CHSY3: variants seen among roughly 807,000 people sequenced by gnomAD.
CHSY3 encodes the protein N-acetylgalactosaminyl-proteoglycan 3-beta-glucuronosyltransferase 3.
A neutral mutation model predicts 67.2 loss-of-function variants in CHSY3; 35 were observed. The observed-to-expected ratio is 0.52, with a 90% CI of 0.40 to 0.69. The LOEUF is 0.69. CHSY3 is among the 30% of genes least tolerant of loss of function. The pLI, the probability that CHSY3 is intolerant of heterozygous loss-of-function variation, is 0.00. For synonymous variants in CHSY3, 474 were observed against 434.7 expected (o/e 1.09, Z -1.12); for missense variants, 1,069 against 1,138.5 (o/e 0.94, Z 0.88).
At chr5:130,181,946 T>C (rs1203776578) in intron 2 of CHSY3, among the ~76,000 whole-genome samples, 6 of 152,112 alleles carry the variant, frequency 3.9e-5, no homozygotes, top group Non-Finnish European at 8.8e-5. Context: ...TTTTGGAGTA[T>C]GAATAATGCA....
intron 2 of CHSY3, among the ~76,000 whole-genome samples, chr5:130,048,138 T>A (rs1227890411): frequency 1.3e-5 from 2 of 152,046 alleles, no homozygotes; most frequent in Non-Finnish European, 2.9e-5. Context: ...AGAGATGGGC[T>A]CTTCTGAGTT....
intron 2 of CHSY3, among the ~76,000 whole-genome samples, chr5:130,031,283 T>C (rs1451171633): frequency 2.6e-4 from 40 of 152,140 alleles, no homozygotes. Flanking sequence ...ATTATTAGAC[T>C]CTAATTGTCT....
chr5:129,986,208 C>A (rs1763196497), intron 2 of CHSY3, among the ~76,000 whole-genome samples: 1 of 152,004 alleles, frequency 6.6e-6, no homozygotes, highest in Non-Finnish European at 1.5e-5. Context: ...CATTCAGTGC[C>A]TAGTTTATTG....
chr5:130,001,762 C>A, intron 2 of CHSY3: 1 of 836,364 alleles, frequency 1.2e-6, no homozygotes, highest in Non-Finnish European at 1.4e-6. Context: ...ATCCCTTATT[C>A]TGAACATGCC....
At chr5:130,037,626 T>A (rs1764896312) in intron 2 of CHSY3, among the ~76,000 whole-genome samples, 1 of 152,094 alleles carries the variant, frequency 6.6e-6, no homozygotes, top group Non-Finnish European at 1.5e-5. Context: ...AGGAATGAGA[T>A]GGAGAGGTGA....
chr5:130,078,694 C>T (rs1218869996), intron 2 of CHSY3, among the ~76,000 whole-genome samples: 1 of 152,206 alleles, frequency 6.6e-6, no homozygotes, highest in Non-Finnish European at 1.5e-5. Context: ...TCCTTAAAAA[C>T]ACAAAATACA....
At chr5:129,927,879 T>G (rs967887745) in intron 2 of CHSY3, among the ~76,000 whole-genome samples, 1 of 151,732 alleles carries the variant, frequency 6.6e-6, no homozygotes, top group African/African-American at 2.4e-5. Context: ...ATTCCAGTTT[T>G]TGTGTGTGTG....
rs1310378209 is a variant in CHSY3, at chr5:130,056,910, A to ATTTC, written c.1087-127311_1087-127308dup. 1.1e-4 allele frequency among the ~76,000 whole-genome samples: 14 copies of ATTTC among 131,226 alleles called. 1 individual carries two copies. The highest frequency in any genetic ancestry group is 4.0e-4 in the African/African-American group (14 of 34,748). 86.1% of individuals were successfully genotyped at this position (131,226 alleles called of 152,430 possible). A position where few individuals can be genotyped will look rare whatever the true frequency, so the allele number is the denominator to read the frequency against. ...CAATATGTATATGTTTATTTTTAGCATTTCTTTCTTTTTTTTTTTTTTTTT... is the reference window on the plus strand; with the variant it reads ...CAATATGTATATGTTTATTTTTAGCATTTCTTTCTTTCTTTTTTTTTTTTTTTTT... On this transcript the variant is annotated intron_variant, in intron 2 of 2. Transcript: ENST00000305031.
rs556446926 is a variant in CHSY3 at position 129,995,693 on chromosome 5, C to G, written c.1086+87333C>G. On this transcript the variant is annotated intron_variant, in intron 2 of 2. Coordinates refer to ENST00000305031, the MANE Select transcript of CHSY3 (RefSeq NM_175856.5). ...AACATTCTAATTCTAGTCATTAGTT[C>G]TGACTCCAACAACTACACTGTTATC... 3.3e-5 allele frequency among the ~76,000 whole-genome samples: 5 copies of G among 151,964 alleles called. No individual in the cohort carries two copies. The East Asian group carries it at 9.7e-4, about 29-fold the overall frequency.
chr5:129,915,966 G>A (rs545162282), intron 2 of CHSY3, among the ~76,000 whole-genome samples: 23 of 152,260 alleles, frequency 1.5e-4, no homozygotes, highest in African/African-American at 5.3e-4. Context: ...ATAGAGTAGC[G>A]TGGTTTAATT....
intron 2 of CHSY3, among the ~76,000 whole-genome samples, chr5:129,989,619 C>T (rs1763302504): frequency 6.6e-6 from 1 of 152,128 alleles, no homozygotes; most frequent in Non-Finnish European, 1.5e-5. Flanking sequence ...CATAGCAGTT[C>T]CTTTCTGCTA....
intron 2 of CHSY3, among the ~76,000 whole-genome samples, chr5:130,148,771 T>A (rs1769148982): frequency 1.3e-5 from 2 of 152,236 alleles, no homozygotes; most frequent in Non-Finnish European, 2.9e-5. Context: ...TAAATTTGTT[T>A]AAGTTCCTTA....
chr5:130,044,393 G>A (rs921952059), intron 2 of CHSY3, among the ~76,000 whole-genome samples: 3 of 152,060 alleles, frequency 2.0e-5, no homozygotes, highest in Admixed American at 2.0e-4. Context: ...GGTGAATTTG[G>A]TGAGACTTTT....
chr5:130,183,988 T>TTA (rs202043732), intron 2 of CHSY3, among the ~76,000 whole-genome samples: 20 of 151,492 alleles, frequency 1.3e-4, no homozygotes, highest in East Asian at 3.9e-4. Flanking sequence ...TCTCTATATA[T>TTA]TATATATATA....
intron 2 of CHSY3, among the ~76,000 whole-genome samples, chr5:130,109,518 CTT>C (rs1767525047): frequency 6.6e-6 from 1 of 151,704 alleles, no homozygotes. Flanking sequence ...CTTCTAAAAT[CTT>C]TACACATCTA....
At chr5:130,139,728 TG>T (rs1254813005) in intron 2 of CHSY3, among the ~76,000 whole-genome samples, 2 of 152,188 alleles carry the variant, frequency 1.3e-5, no homozygotes, top group Admixed American at 1.3e-4. Context: ...TTGATTATTG[TG>T]GAGAAATTGG....
At chr5:130,126,111 T>C (rs1195853035) in intron 2 of CHSY3, among the ~76,000 whole-genome samples, 10 of 152,308 alleles carry the variant, frequency 6.6e-5, no homozygotes, top group Admixed American at 2.6e-4. Flanking sequence ...CATTTTGAGG[T>C]TGCATGAGTA....
intron 2 of CHSY3, among the ~76,000 whole-genome samples, chr5:130,177,572 T>C (rs1366251495): frequency 6.6e-6 from 1 of 152,148 alleles, no homozygotes; most frequent in Non-Finnish European, 1.5e-5. Context: ...TATTTTGAAA[T>C]GACTATTTGA....
At chr5:130,080,264 C>G (rs1561527291) in intron 2 of CHSY3, among the ~76,000 whole-genome samples, 1 of 152,036 alleles carries the variant, frequency 6.6e-6, no homozygotes, top group Non-Finnish European at 1.5e-5. Flanking sequence ...GTACCCATCT[C>G]TCTGTGTGAC....
Sources: gnomAD v4.1 joint callset for allele counts (sites outside exome capture counted in the v4.1 genomes callset) on GRCh38, gnomAD v4.1.1 for gene constraint, MANE v1.5 for transcripts, NCBI Gene and HGNC (gene_info 2026-07-23, HGNC 2026-07-21) for gene names.